PCDH11X: variants seen among roughly 807,000 people sequenced by gnomAD.
PCDH11X encodes the protein protocadherin-11 X-linked.
A neutral mutation model predicts 53.3 loss-of-function variants in PCDH11X; 18 were observed. The ratio of observed to expected loss-of-function variants is 0.34; its 90% CI spans 0.23 to 0.50. The LOEUF is 0.50. Ranked by LOEUF, PCDH11X falls within the 20% of genes least tolerant of loss-of-function variation. The pLI is 0.98. For synonymous variants in PCDH11X, 279 were observed against 393.3 expected (o/e 0.71, Z 3.44); for missense variants, 570 against 1,032.4 (o/e 0.55, Z 6.14).
intron 7 of PCDH11X, among the ~76,000 whole-genome samples, chrX:92,228,027 T>C (rs190520790): frequency 9.0e-6 from 1 of 111,691 alleles, no homozygotes; most frequent in African/African-American, 3.2e-5. Flanking sequence ...TTATACCTGT[T>C]ACTGAAAGAT....
intron 6 of PCDH11X, among the ~76,000 whole-genome samples, chrX:92,082,982 T>G (rs1406449880): frequency 9.0e-6 from 1 of 111,579 alleles, no homozygotes; most frequent in African/African-American, 3.3e-5. Context: ...TCTGTAAACT[T>G]TGATGTGTGA....
chrX:92,584,767 C>T (rs1486748098), intron 10 of PCDH11X, among the ~76,000 whole-genome samples: 6 of 103,438 alleles, frequency 5.8e-5, no homozygotes, highest in African/African-American at 1.8e-4. Flanking sequence ...ATTTTTAAGG[C>T]CAGCATTATT....
chrX:92,306,261 T>TATA (rs976750814), intron 8 of PCDH11X, among the ~76,000 whole-genome samples: 5 of 104,528 alleles, frequency 4.8e-5, no homozygotes, highest in Non-Finnish European at 9.8e-5. Flanking sequence ...AATTTATAGC[T>TATA]ATAAACAATT....
intron 10 of PCDH11X, among the ~76,000 whole-genome samples, chrX:92,488,648 G>A (rs1404801979): frequency 9.1e-6 from 1 of 110,017 alleles, no homozygotes; most frequent in Non-Finnish European, 1.9e-5. Context: ...GCTTGAGGAA[G>A]TTGTTGTTTG....
At chrX:92,263,867 A>C (rs988512538) in intron 8 of PCDH11X, among the ~76,000 whole-genome samples, 1 of 112,311 alleles carries the variant, frequency 8.9e-6, no homozygotes, top group Non-Finnish European at 1.9e-5. Flanking sequence ...AAAGTTTTCC[A>C]GTTGTTTATT....
At chrX:92,508,022 CCAGGCTGGTCTCAAG>C (rs1306936482) in intron 10 of PCDH11X, among the ~76,000 whole-genome samples, 1 of 109,864 alleles carries the variant, frequency 9.1e-6, no homozygotes, top group East Asian at 2.9e-4. Context: ...ACCATGTTGA[CCAGGCTGGTCTCAAG>C]CTCCTGGCCT....
intron 7 of PCDH11X, among the ~76,000 whole-genome samples, chrX:92,205,645 G>A (rs777361337): frequency 2.0e-5 from 2 of 100,523 alleles, no homozygotes; most frequent in South Asian, 9.8e-4. Flanking sequence ...TTGTCGCCCA[G>A]GCTAGAGTGC....
chrX:92,418,281 A>G (rs1183952959), intron 9 of PCDH11X, among the ~76,000 whole-genome samples: 4 of 111,001 alleles, frequency 3.6e-5, no homozygotes, highest in African/African-American at 1.3e-4. Flanking sequence ...TATTATCTAT[A>G]ACAGCAGGTA....
intron 10 of PCDH11X, among the ~76,000 whole-genome samples, chrX:92,522,706 A>G (rs1407401861): frequency 8.9e-6 from 1 of 112,570 alleles, no homozygotes; most frequent in Non-Finnish European, 1.9e-5. Context: ...TGAGCAATTT[A>G]CAGATGTTAT....
chrX:92,389,513 C>A (rs1185489697), intron 9 of PCDH11X, among the ~76,000 whole-genome samples: 1 of 110,841 alleles, frequency 9.0e-6, no homozygotes, highest in Non-Finnish European at 1.9e-5. Flanking sequence ...GTTACTAAGC[C>A]TCTTTCATAG....
chrX:92,315,143 A>T (rs769334912), intron 8 of PCDH11X, among the ~76,000 whole-genome samples: 1 of 111,994 alleles, frequency 8.9e-6, no homozygotes, highest in African/African-American at 3.2e-5. Context: ...TTGAAACACT[A>T]AACAACTTTC....
intron 6 of PCDH11X, among the ~76,000 whole-genome samples, chrX:91,991,209 C>G (rs2062316203): frequency 1.1e-5 from 1 of 94,947 alleles, no homozygotes; most frequent in Non-Finnish European, 2.1e-5. Context: ...CTCCTCTTGG[C>G]TGGTGTGTGT....
At chrX:92,278,746 G>C (rs1028974735) in intron 8 of PCDH11X, among the ~76,000 whole-genome samples, 1 of 109,338 alleles carries the variant, frequency 9.1e-6, no homozygotes, top group Non-Finnish European at 1.9e-5. Context: ...TCATATCCGT[G>C]CAAGTCACAG....
intron 5 of PCDH11X, among the ~76,000 whole-genome samples, chrX:91,845,922 A>C: frequency 9.0e-6 from 1 of 110,642 alleles, no homozygotes; most frequent in East Asian, 2.9e-4. Context: ...AAGACTTCTT[A>C]AGCTATATTT....
chrX:92,388,402 A>T (rs1364509100), intron 9 of PCDH11X, among the ~76,000 whole-genome samples: 2 of 107,496 alleles, frequency 1.9e-5, no homozygotes, highest in African/African-American at 6.8e-5. Flanking sequence ...TGAGGTTTTC[A>T]GCAATATACT....
chrX:92,119,229 CT>C (rs765338438), intron 6 of PCDH11X, among the ~76,000 whole-genome samples: 1 of 110,035 alleles, frequency 9.1e-6, no homozygotes, highest in Non-Finnish European at 1.9e-5. Flanking sequence ...CCTCAGCCTC[CT>C]GAGTAGCTGG....
intron 6 of PCDH11X, among the ~76,000 whole-genome samples, chrX:92,128,060 T>C (rs1419487822): frequency 1.8e-5 from 2 of 110,716 alleles, no homozygotes; most frequent in Non-Finnish European, 3.8e-5. Flanking sequence ...TTTGTAATTA[T>C]ATGTGTAAAA....
Position 91,927,202 on chromosome X carries a change from C to T in PCDH11X, c.3033+47929C>T, listed in dbSNP as rs749915276. 3.3e-3 allele frequency among the ~76,000 whole-genome samples: 358 copies of T among 107,824 alleles called. 2 individuals carry two copies. Among genetic ancestry groups the T allele is most frequent in the African/African-American group, 0.011 (340 of 29,815 alleles). The allele number at this position is 107,824 out of a possible 115,157, so 93.6% of individuals were successfully genotyped here. ...AATATGGATGTTCCTCAATAGAAGA[C>T]AATATTTTTGTGAAATGCTCAGTAA... On this transcript the variant is annotated intron_variant, in intron 6 of 10. Coordinates refer to ENST00000682573, the MANE Select transcript of PCDH11X (RefSeq NM_032968.5).
At chrX:92,466,842 G>T (rs1416481766) in intron 9 of PCDH11X, among the ~76,000 whole-genome samples, 1 of 109,209 alleles carries the variant, frequency 9.2e-6, no homozygotes, top group African/African-American at 3.3e-5. Context: ...TTATCACTAA[G>T]CTCTAGACAA....
Sources: gnomAD v4.1 joint callset for allele counts (sites outside exome capture counted in the v4.1 genomes callset) on GRCh38, gnomAD v4.1.1 for gene constraint, MANE v1.5 for transcripts, NCBI Gene and HGNC (gene_info 2026-07-23, HGNC 2026-07-21) for gene names.